Variants in ULK4 observed in about 807,000 individuals in gnomAD.
ULK4 encodes unc-51 like kinase 4, also known as inactive serine/threonine-protein kinase ULK4.
ULK4 carries 133 observed loss-of-function variants against 160.6 expected under a neutral mutation model. The observed-to-expected ratio is 0.83, with a 90% CI of 0.72 to 0.96. The LOEUF (loss-of-function observed/expected upper bound fraction) is 0.96. Ranked by LOEUF, ULK4 falls within the 40% of genes least tolerant of loss-of-function variation. The pLI is 0.00. For synonymous variants in ULK4, 534 were observed against 539.8 expected (o/e 0.99, Z 0.15); for missense variants, 1,580 against 1,499.5 (o/e 1.05, Z -0.89).
At chr3:41,292,466 G>A (rs977855374) in intron 35 of ULK4, among the ~76,000 whole-genome samples, 4 of 152,078 alleles carry the variant, frequency 2.6e-5, no homozygotes, top group Admixed American at 6.5e-5. Flanking sequence ...CCAACATGGC[G>A]AAACCCAGTC....
chr3:41,772,566 C>T (rs140636649), intron 21 of ULK4, among the ~76,000 whole-genome samples: 133 of 151,688 alleles, frequency 8.8e-4, no homozygotes, highest in Non-Finnish European at 1.3e-3. Context: ...TCTGAAATTG[C>T]GGCAATAATT....
At chr3:41,714,055 T>C (rs530590340) in intron 25 of ULK4, among the ~76,000 whole-genome samples, 7 of 152,294 alleles carry the variant, frequency 4.6e-5, no homozygotes, top group African/African-American at 1.4e-4. Flanking sequence ...CGCAATGGAA[T>C]TGTAAATAGA....
intron 34 of ULK4, among the ~76,000 whole-genome samples, chr3:41,416,697 A>G (rs1451075206): frequency 6.6e-6 from 1 of 152,214 alleles, no homozygotes. Context: ...TGAGTAAGGC[A>G]GTAGGGATGC....
In ULK4 at chr3:41,410,905, A is replaced by G. The variant is rs1255606823; in HGVS notation, c.3493-12641T>C. Among the ~76,000 whole-genome samples, 3 of 152,142 alleles carry G rather than the reference A, an allele frequency of 2.0e-5. No homozygotes were observed. The East Asian group carries it at 5.8e-4, about 29-fold the overall frequency. ...CTGTCTTCTCGAAAGGACACCAGTC[A>G]TATTGGATTGAGGACCCACCATATT... On this transcript the variant is annotated intron_variant, in intron 34 of 36. Coordinates refer to ENST00000301831, the MANE Select transcript of ULK4 (RefSeq NM_017886.4).
intron 19 of ULK4, among the ~76,000 whole-genome samples, 197 bp downstream of exon 19, chr3:41,819,226 G>A (rs1157276107): frequency 6.6e-6 from 1 of 152,208 alleles, no homozygotes; most frequent in Admixed American, 6.5e-5. Context: ...TTAAACAAGT[G>A]AATGAGAAAG....
At chr3:41,848,195 T>C (rs1051849116) in intron 17 of ULK4, among the ~76,000 whole-genome samples, 2 of 152,204 alleles carry the variant, frequency 1.3e-5, no homozygotes, top group Non-Finnish European at 2.9e-5. Flanking sequence ...ACAAACAACC[T>C]GTAACTGGTA....
At chr3:41,925,193 C>A (rs1435313008) in intron 5 of ULK4, among the ~76,000 whole-genome samples, 1 of 152,180 alleles carries the variant, frequency 6.6e-6, no homozygotes, top group Non-Finnish European at 1.5e-5. Context: ...GCATTACCAA[C>A]TGAGGTACCA....
At chr3:41,586,975 T>C (rs988159351) in intron 31 of ULK4, among the ~76,000 whole-genome samples, 1 of 152,152 alleles carries the variant, frequency 6.6e-6, no homozygotes, top group Non-Finnish European at 1.5e-5. Flanking sequence ...TTAGTTTCTG[T>C]AGGTCAGAAT....
chr3:41,615,544 G>C, intron 31 of ULK4, 125 bp downstream of exon 31: 1 of 840,028 alleles, frequency 1.2e-6, no homozygotes. Context: ...GGTTAAGTGT[G>C]ATGATGATGG....
At chr3:41,915,831 C>T (rs1486025066) in intron 8 of ULK4, 146 bp downstream of exon 8, 3 of 539,550 alleles carry the variant, frequency 5.6e-6, no homozygotes, top group Non-Finnish European at 9.8e-6. Flanking sequence ...ATTTGAATAG[C>T]TATTTGTATA....
intron 21 of ULK4, among the ~76,000 whole-genome samples, chr3:41,770,076 T>C (rs949064451): frequency 2.6e-5 from 4 of 152,222 alleles, no homozygotes; most frequent in Non-Finnish European, 5.9e-5. Flanking sequence ...GTAAAATGTC[T>C]TTCAGAGAAC....
At chr3:41,300,848 T>C (rs1417916927) in intron 35 of ULK4, among the ~76,000 whole-genome samples, 10 of 70,642 alleles carry the variant, frequency 1.4e-4, no homozygotes, top group African/African-American at 7.0e-4. Context: ...TATATATATA[T>C]ATATATATAT....
Position 41,916,022 on chromosome 3 carries a change from A to C in ULK4, c.758T>G (p.Phe253Cys), listed in dbSNP as rs1698955833. The change falls in exon 8 of 37, where the codon TTT (phenylalanine) becomes TGT (cysteine). Residue 253 changes from phenylalanine (F) to cysteine (C), a missense_variant. By Grantham distance (205) the Phe-to-Cys change is radical. Transcript: ENST00000301831. ...AAGTAACCCATCAAGCAAATTAATA[A>C]AATCTGAAGAAGCTTTAGGACGAGA... ...DSSRPKASSDFINLLDGLLQR... is the reference protein window; with the variant it reads ...DSSRPKASSDCINLLDGLLQR... 1 of 1,591,732 alleles carries C rather than the reference A, an allele frequency of 6.3e-7. No homozygotes were observed.
chr3:41,857,110 A>C (rs1470326607), intron 17 of ULK4, among the ~76,000 whole-genome samples: 1 of 152,126 alleles, frequency 6.6e-6, no homozygotes, highest in African/African-American at 2.4e-5. Flanking sequence ...CTCTTGACTG[A>C]AACTCAGCTA....
At chr3:41,651,554 C>CAGTG (rs1553627346) in intron 30 of ULK4, among the ~76,000 whole-genome samples, 53 of 152,150 alleles carry the variant, frequency 3.5e-4, no homozygotes, top group African/African-American at 1.2e-3. Context: ...TGAAGTGACT[C>CAGTG]AATGAATGAA....
intron 35 of ULK4, among the ~76,000 whole-genome samples, chr3:41,284,400 T>G (rs969782987): frequency 2.6e-5 from 4 of 151,946 alleles, no homozygotes; most frequent in African/African-American, 9.7e-5. Flanking sequence ...AATAGACACA[T>G]AGACCGATGG....
chr3:41,369,897 G>A (rs1332644405), intron 35 of ULK4, among the ~76,000 whole-genome samples: 1 of 151,260 alleles, frequency 6.6e-6, no homozygotes, highest in South Asian at 2.1e-4. Context: ...GCCCAGGCCA[G>A]GAAAAAAGAA....
chr3:41,643,135 G>C (rs1394328387), intron 30 of ULK4, among the ~76,000 whole-genome samples: 5 of 152,030 alleles, frequency 3.3e-5, no homozygotes, highest in South Asian at 4.2e-4. Flanking sequence ...CTCCCATTTT[G>C]TAGGTTGCCT....
At chr3:41,780,224 C>T (rs1184753697) in intron 21 of ULK4, among the ~76,000 whole-genome samples, 1 of 151,928 alleles carries the variant, frequency 6.6e-6, no homozygotes, top group Non-Finnish European at 1.5e-5. Flanking sequence ...GGAAAGACAG[C>T]TTGAGCCCAG....
Sources: gnomAD v4.1 joint callset for allele counts (sites outside exome capture counted in the v4.1 genomes callset) on GRCh38, gnomAD v4.1.1 for gene constraint, MANE v1.5 for transcripts, NCBI Gene and HGNC (gene_info 2026-07-23, HGNC 2026-07-21) for gene names.